TBC1D5: variants seen among roughly 807,000 people sequenced by gnomAD.
TBC1D5 encodes the protein TBC1 domain family member 5, also known as TBC1 domain family, member 5.
In TBC1D5, 75 loss-of-function variants were observed where a neutral mutation model predicts 100.3. That is an observed-to-expected ratio of 0.75 (90% CI 0.62 to 0.91). The LOEUF is 0.91. Among genes scored for constraint, TBC1D5 ranks in the 40% least tolerant of loss-of-function variants. The pLI is 0.00. For synonymous variants in TBC1D5, 323 were observed against 325.6 expected, an observed-to-expected ratio of 0.99 and a Z score of 0.09; for missense variants, 910 against 942.4, an observed-to-expected ratio of 0.97 and a Z score of 0.45.
chr3:17,500,914 C>CT lies in TBC1D5; in HGVS notation c.97+7559dup, dbSNP rs556886482. The stretch of plus-strand genomic sequence containing the variant: ...TCAAACTGAAGTCTCTCATATCCAA[C>CT]TTTTTTTTGAACAGCTTAATTTAGA... On this transcript the variant is annotated intron_variant, in intron 3 of 21. Transcript: ENST00000253692. Among the ~76,000 whole-genome samples, 26 of 149,400 alleles carry CT rather than the reference C, an allele frequency of 1.7e-4. 3 individuals are homozygous for CT. The highest frequency in any genetic ancestry group is 6.6e-4 in the African/African-American group (26 of 39,402).
chr3:17,301,363 A>G (rs1240838965), intron 14 of TBC1D5, among the ~76,000 whole-genome samples: 1 of 152,242 alleles, frequency 6.6e-6, no homozygotes, highest in Non-Finnish European at 1.5e-5. Flanking sequence ...TGCTGAAAGT[A>G]TATTTTCAAA....
At chr3:17,160,035 C>T (rs972759278) in exon 22 of TBC1D5, 3 of 151,832 alleles carry the variant, frequency 2.0e-5, no homozygotes, top group Admixed American at 2.0e-4. Context: ...ACCAGAGAAA[C>T]CTGACTAGAA....
intron 1 of TBC1D5, among the ~76,000 whole-genome samples, chr3:17,645,420 G>C (rs1467673795): frequency 6.6e-6 from 1 of 152,072 alleles, no homozygotes; most frequent in African/African-American, 2.4e-5. Flanking sequence ...ATGCCCAGAG[G>C]CTGACTCGCA....
intron 16 of TBC1D5, among the ~76,000 whole-genome samples, chr3:17,243,683 G>A (rs1055742289): frequency 3.3e-5 from 5 of 151,914 alleles, no homozygotes; most frequent in African/African-American, 1.2e-4. Flanking sequence ...GAACAAGAAG[G>A]CATGGATAAC....
chr3:17,321,149 C>A (rs892857620), intron 13 of TBC1D5, among the ~76,000 whole-genome samples: 1 of 152,196 alleles, frequency 6.6e-6, no homozygotes, highest in Non-Finnish European at 1.5e-5. Flanking sequence ...CTCACTACAG[C>A]CTTGAACTCC....
intron 1 of TBC1D5, among the ~76,000 whole-genome samples, chr3:17,643,590 G>T (rs777316074): frequency 1.3e-5 from 2 of 151,918 alleles, no homozygotes; most frequent in African/African-American, 4.8e-5. Flanking sequence ...TTAAAAGAAT[G>T]GTTTTTAAAC....
At chr3:17,614,123 C>G (rs2153629596) in intron 2 of TBC1D5, among the ~76,000 whole-genome samples, 1 of 152,294 alleles carries the variant, frequency 6.6e-6, no homozygotes, top group African/African-American at 2.4e-5. Flanking sequence ...GATTTCTCAG[C>G]ACCATTTATT....
At chr3:17,618,606 T>C (rs1050303392) in intron 2 of TBC1D5, among the ~76,000 whole-genome samples, 1 of 152,202 alleles carries the variant, frequency 6.6e-6, no homozygotes, top group Non-Finnish European at 1.5e-5. Context: ...GCCTCAGCAA[T>C]GGGGGACGCC....
intron 14 of TBC1D5, among the ~76,000 whole-genome samples, chr3:17,306,573 G>T (rs991274229): frequency 5.3e-5 from 8 of 152,136 alleles, no homozygotes; most frequent in African/African-American, 9.7e-5. Context: ...TTTATAAAAT[G>T]ATAAAAGTAG....
chr3:17,417,739 T>G (rs1467844096), intron 4 of TBC1D5, among the ~76,000 whole-genome samples: 3 of 152,166 alleles, frequency 2.0e-5, no homozygotes, highest in Non-Finnish European at 2.9e-5. Flanking sequence ...ATGGTATTTC[T>G]AGTTCTAGAT....
chr3:17,460,191 A>G (rs892827980), intron 3 of TBC1D5, among the ~76,000 whole-genome samples: 4 of 152,232 alleles, frequency 2.6e-5, no homozygotes, highest in Admixed American at 6.5e-5. Context: ...TTAGATATTC[A>G]TAAGAACCTA....
intron 1 of TBC1D5, among the ~76,000 whole-genome samples, chr3:17,681,649 C>T (rs1320741271): frequency 1.3e-5 from 2 of 151,596 alleles, no homozygotes; most frequent in African/African-American, 2.4e-5. Context: ...CTGGATCATC[C>T]AACATGAAAT....
At chr3:17,593,462 T>C (rs567866422) in intron 2 of TBC1D5, among the ~76,000 whole-genome samples, 1 of 152,300 alleles carries the variant, frequency 6.6e-6, no homozygotes, top group South Asian at 2.1e-4. Flanking sequence ...TATGGCACCA[T>C]TTCTCAGGGT....
intron 2 of TBC1D5, among the ~76,000 whole-genome samples, chr3:17,581,423 A>G (rs920948253): frequency 2.6e-5 from 4 of 152,006 alleles, no homozygotes; most frequent in Non-Finnish European, 5.9e-5. Flanking sequence ...TGCCTCCTTG[A>G]CCTCTCTACC....
rs370633650 is a variant in TBC1D5, at chr3:17,372,248, C to T, written c.823-1G>A. ...TGGGAGTCATCAGTGTTTCTTTCCC[C>T]TAAAAACAGAAAAATTGAACATGTA... On this transcript the variant is annotated splice_acceptor_variant, in intron 12 of 21. Coordinates refer to ENST00000253692, the Ensembl canonical transcript of TBC1D5. LOFTEE classifies it high-confidence loss of function. The T allele has an allele frequency of 6.9e-6, 11 of 1,596,038 alleles. No homozygotes were observed. The highest frequency in any genetic ancestry group is 8.5e-6 in the Non-Finnish European group (10 of 1,171,672).
intron 18 of TBC1D5, among the ~76,000 whole-genome samples, chr3:17,193,004 A>G (rs77967922): frequency 5.3e-5 from 8 of 152,238 alleles, no homozygotes; most frequent in African/African-American, 1.9e-4. Context: ...ACTAAAACCT[A>G]AACTCCACAG....
intron 1 of TBC1D5, among the ~76,000 whole-genome samples, chr3:17,673,453 G>A (rs2068218361): frequency 6.6e-6 from 1 of 151,002 alleles, no homozygotes; most frequent in South Asian, 2.1e-4. Flanking sequence ...TGAGACTACA[G>A]GCATGTGCCA....
chr3:17,292,884 A>G (rs1296710963), intron 14 of TBC1D5, among the ~76,000 whole-genome samples: 2 of 152,216 alleles, frequency 1.3e-5, no homozygotes, highest in Non-Finnish European at 2.9e-5. Context: ...CCATAAGAAA[A>G]CAACTGTGAT....
chr3:17,178,996 G>A (rs190654600), intron 19 of TBC1D5, among the ~76,000 whole-genome samples: 2 of 151,792 alleles, frequency 1.3e-5, no homozygotes, highest in Admixed American at 6.6e-5. Context: ...GAGGGCAGTC[G>A]CTATTCACAG....
Sources: gnomAD v4.1 joint callset for allele counts (sites outside exome capture counted in the v4.1 genomes callset) on GRCh38, gnomAD v4.1.1 for gene constraint, MANE v1.5 for transcripts, NCBI Gene and HGNC (gene_info 2026-07-23, HGNC 2026-07-21) for gene names.